Variants in ANAPC1 observed in about 807,000 individuals in gnomAD.
ANAPC1 encodes anaphase-promoting complex subunit 1.
A neutral mutation model predicts 208.0 loss-of-function variants in ANAPC1; 36 were observed. That is an observed-to-expected ratio of 0.17 (90% CI 0.13 to 0.23). The LOEUF (loss-of-function observed/expected upper bound fraction) is 0.23, where lower values mean the gene tolerates loss of function less well. Ranked by LOEUF, ANAPC1 falls within the 10% of genes least tolerant of loss-of-function variation. The pLI, the probability that ANAPC1 is intolerant of heterozygous loss-of-function variation, is 1.00. For missense variants in ANAPC1, 942 were observed against 2,011.6 expected, an observed-to-expected ratio of 0.47 and a Z score of 10.17; for synonymous variants, 378 against 695.2, an observed-to-expected ratio of 0.54 and a Z score of 7.18.
At chr2:111,819,951 T>C (rs1237724048) in intron 26 of ANAPC1, among the ~76,000 whole-genome samples, 1 of 152,206 alleles carries the variant, frequency 6.6e-6, no homozygotes, top group African/African-American at 2.4e-5. Context: ...TTGCAACCCA[T>C]AGAATTTTTT....
chr2:111,772,497 C>G, intron 46 of ANAPC1, 22 bp from the exon 47 acceptor site: 1 of 1,136,950 alleles, frequency 8.8e-7, no homozygotes, highest in Non-Finnish European at 1.3e-6. Context: ...ACAAATGGAA[C>G]GGAACCAACT....
At chr2:111,859,373 A>G (rs558836514) in intron 10 of ANAPC1, among the ~76,000 whole-genome samples, 2 of 152,218 alleles carry the variant, frequency 1.3e-5, no homozygotes, top group South Asian at 4.2e-4. Context: ...CGGGAGGCTG[A>G]GGCAGGATAA....
intron 42 of ANAPC1, among the ~76,000 whole-genome samples, chr2:111,783,295 G>A (rs532184212): frequency 6.6e-6 from 1 of 152,310 alleles, no homozygotes; most frequent in Non-Finnish European, 1.5e-5. Context: ...CCACATGTCA[G>A]GAGAGGGACC....
chr2:111,838,934 T>A (rs1213881993), intron 17 of ANAPC1, among the ~76,000 whole-genome samples: 1 of 152,196 alleles, frequency 6.6e-6, no homozygotes, highest in Non-Finnish European at 1.5e-5. Context: ...TACAGTAAAC[T>A]ATCTAACAAT....
At chr2:111,787,526 T>A (rs1677627502) in intron 39 of ANAPC1, among the ~76,000 whole-genome samples, 1 of 152,146 alleles carries the variant, frequency 6.6e-6, no homozygotes, top group African/African-American at 2.4e-5. Context: ...TCTTGACCTG[T>A]CTCTGGGGAG....
At chr2:111,839,527 C>T (rs1680645513) in intron 17 of ANAPC1, among the ~76,000 whole-genome samples, 1 of 152,162 alleles carries the variant, frequency 6.6e-6, no homozygotes, top group African/African-American at 2.4e-5. Context: ...TATCAACTCA[C>T]TCACCTAAAC....
At chr2:111,832,337 C>A (rs1199431326) in intron 20 of ANAPC1, among the ~76,000 whole-genome samples, 39 of 148,666 alleles carry the variant, frequency 2.6e-4, no homozygotes, top group Non-Finnish European at 5.4e-4. Context: ...AGAATCTAAT[C>A]AAAAATCTTG....
chr2:111,849,418 G>GA (rs1306480855), intron 14 of ANAPC1, among the ~76,000 whole-genome samples: 2 of 151,670 alleles, frequency 1.3e-5, no homozygotes, highest in South Asian at 2.1e-4. Flanking sequence ...TGGTTTGAAG[G>GA]AAAAAAAATT....
At position 111,816,777 on chromosome 2, in the gene ANAPC1, G is replaced by C. The variant is rs1451662847; in HGVS notation, c.3326-1136C>G. ...GTAAAATAAATTTTAAGTAGATGCA[G>C]TGTCTTATTTGTAGCATGTACACAT... is the stretch of plus-strand genomic sequence containing the variant. On this transcript the variant is annotated intron_variant, in intron 27 of 47. Transcript: ENST00000341068. Among the ~76,000 whole-genome samples the C allele has an allele frequency of 4.5e-5, 6 of 131,930 alleles. 2 individuals carry two copies. Among genetic ancestry groups the C allele is most frequent in the Non-Finnish European group, 1.0e-4 (6 of 60,142 alleles). 86.6% of individuals were successfully genotyped at this position (131,930 alleles called of 152,430 possible). A position where few individuals can be genotyped will look rare whatever the true frequency, so the allele number is the denominator to read the frequency against.
At chr2:111,783,493 C>A (rs958039067) in intron 42 of ANAPC1, among the ~76,000 whole-genome samples, 6 of 151,624 alleles carry the variant, frequency 4.0e-5, no homozygotes, top group Non-Finnish European at 1.5e-5. Context: ...GAGGCCTCCC[C>A]AGCCAGGCAG....
intron 24 of ANAPC1, 105 bp downstream of exon 24, chr2:111,824,861 T>C (rs1301661291): frequency 8.4e-7 from 1 of 1,190,190 alleles, no homozygotes; most frequent in Non-Finnish European, 1.2e-6. Context: ...CTCAATCTTG[T>C]GAGGCCTTTT....
intron 13 of ANAPC1, among the ~76,000 whole-genome samples, chr2:111,851,649 T>TA (rs1008670942): frequency 3.7e-4 from 53 of 143,476 alleles, no homozygotes; most frequent in African/African-American, 8.2e-4. Context: ...TACTAAAAAT[T>TA]AAAAAAAAAA....
At chr2:111,883,447 A>G (rs528970018) in intron 1 of ANAPC1, among the ~76,000 whole-genome samples, 4 of 152,102 alleles carry the variant, frequency 2.6e-5, no homozygotes, top group African/African-American at 9.6e-5. Context: ...GTTAGGTGCA[A>G]CATAAACAGC....
intron 3 of ANAPC1, among the ~76,000 whole-genome samples, chr2:111,876,825 T>G (rs1340590541): frequency 6.7e-6 from 1 of 148,762 alleles, no homozygotes; most frequent in Non-Finnish European, 1.5e-5. Flanking sequence ...TTTACAAAAA[T>G]GAAACTTAAC....
intron 17 of ANAPC1, among the ~76,000 whole-genome samples, chr2:111,839,324 T>C (rs1680636648): frequency 6.6e-6 from 1 of 152,250 alleles, no homozygotes; most frequent in Non-Finnish European, 1.5e-5. Flanking sequence ...GGCCTTTCTA[T>C]TACAATAGTG....
intron 27 of ANAPC1, among the ~76,000 whole-genome samples, chr2:111,816,396 T>A (rs1306791499): frequency 1.2e-4 from 19 of 152,086 alleles, no homozygotes; most frequent in African/African-American, 2.4e-5. Flanking sequence ...TCTAATTATA[T>A]GCTATCGTTT....
intron 38 of ANAPC1, among the ~76,000 whole-genome samples, chr2:111,789,972 CAATT>C (rs1677789418): frequency 6.6e-6 from 1 of 151,208 alleles, no homozygotes; most frequent in South Asian, 2.1e-4. Flanking sequence ...TAATTCTAAA[CAATT>C]AAAGAAAGAC....
In ANAPC1 at chr2:111,841,805, G is replaced by A. The variant is rs188789996; in HGVS notation, c.2040+1607C>T. 7.6e-4 allele frequency among the ~76,000 whole-genome samples: 116 copies of A among 152,078 alleles called. 1 individual carries two copies. Among genetic ancestry groups the A allele is most frequent in the Admixed American group, 2.4e-3 (36 of 15,278 alleles). On this transcript the variant is annotated intron_variant, in intron 17 of 47. Transcript: ENST00000341068. ...AACATAGACAAAGGACATGAAATAC[G>A]AATCAAAAAATAAGAACTATAAATA...
chr2:111,860,985 C>G (rs1558730980), intron 10 of ANAPC1, among the ~76,000 whole-genome samples: 1 of 152,212 alleles, frequency 6.6e-6, no homozygotes, highest in African/African-American at 2.4e-5. Flanking sequence ...TTGTTCTGCT[C>G]TTTCCCAAAC....
Sources: allele counts gnomAD v4.1 joint callset (sites outside exome capture counted in the v4.1 genomes callset), GRCh38; gene constraint gnomAD v4.1.1; transcripts MANE v1.5; gene names NCBI Gene and HGNC (gene_info 2026-07-23, HGNC 2026-07-21).